SOX9: variants seen among roughly 807,000 people sequenced by gnomAD.
SOX9 encodes the protein transcription factor SOX-9.
A neutral mutation model predicts 44.8 loss-of-function variants in SOX9; 2 were observed. That is an observed-to-expected ratio of 0.04 (90% CI 0.02 to 0.14). SOX9 has a LOEUF of 0.14. SOX9 is among the 10% of genes least tolerant of loss of function. SOX9 has a pLI of 1.00. For synonymous variants in SOX9, 381 were observed against 331.8 expected, an observed-to-expected ratio of 1.15 and a Z score of -1.61; for missense variants, 583 against 728.6, an observed-to-expected ratio of 0.80 and a Z score of 2.30.
In SOX9 at chr17:72,121,446, T is replaced by G. The variant is rs1908086972; in HGVS notation, c.55T>G (p.Ser19Ala). 1 of 1,612,630 alleles carries G rather than the reference T, an allele frequency of 6.2e-7. No individual in the cohort carries two copies. Among genetic ancestry groups the G allele is most frequent in the Non-Finnish European group, 8.5e-7 (1 of 1,179,738 alleles). ...KMTDEQEKGLSGAPSPTMSED... is the reference protein window; with the variant it reads ...KMTDEQEKGLAGAPSPTMSED... ...GACCGACGAGCAGGAGAAGGGCCTG[T>G]CCGGCGCCCCCAGCCCCACCATGTC... Residue 19 changes from serine (S) to alanine (A), a missense_variant, in exon 1 of 3, where the codon TCC becomes GCC. Transcript: ENST00000245479. This position sits in a 1 kb window ranked among gnomAD's most constrained non-coding sequence, Gnocchi z 8.3.
chr17:72,121,591 A>C lies in SOX9; in HGVS notation c.200A>C (p.Asp67Ala), dbSNP rs769953292. The C allele has an allele frequency of 6.2e-7, 1 of 1,606,820 alleles. No individual in the cohort carries two copies. Among genetic ancestry groups the C allele is most frequent in the Non-Finnish European group, 8.5e-7 (1 of 1,177,004 alleles). Reference protein sequence around the residue: ...EPDLKKESEEDKFPVCIREAV... With the variant: ...EPDLKKESEEAKFPVCIREAV... ...GATCTGAAGAAGGAGAGCGAGGAGG[A>C]CAAGTTCCCCGTGTGCATCCGCGAG... The change falls in exon 1 of 3, where the codon GAC (aspartate) becomes GCC (alanine). Residue 67 changes from aspartate to alanine, a missense_variant. This residue lies in a region of SOX9 where 101 missense variants were observed against 98.6 expected (regional missense o/e 1.02). Transcript: ENST00000245479. The surrounding 1 kb of genome is among the most constrained non-coding windows in gnomAD (Gnocchi z 8.3).
In SOX9 at chr17:72,123,213, A is replaced by C. The variant is rs1908164003; in HGVS notation, c.685+241A>C. On this transcript the variant is annotated intron_variant, in intron 2 of 2. Transcript: ENST00000245479. The surrounding 1 kb of genome is among the most constrained non-coding windows in gnomAD (Gnocchi z 6.5). ...CGAAGAGATTAACTTTTTTATTGGGAGGTAAAATGCCCTTAACAGCCTTAC... is the reference window on the plus strand; with the variant it reads ...CGAAGAGATTAACTTTTTTATTGGGCGGTAAAATGCCCTTAACAGCCTTAC... Among the ~76,000 whole-genome samples, 1 of 152,282 alleles carries C rather than the reference A, an allele frequency of 6.6e-6. No individual in the cohort carries two copies. Among genetic ancestry groups the C allele is most frequent in the Admixed American group, 6.5e-5 (1 of 15,300 alleles).
chr17:72,126,158 T>C lies in SOX9; in HGVS notation c.*1771T>C. ...GTAGAATAAAATCTTAAAGCACTCA[T>C]AATATGGCATCCTTCAATTTCTGTA... On this transcript the variant is annotated 3_prime_UTR_variant, in exon 3 of 3. Transcript: ENST00000245479. The C allele has an allele frequency of 4.3e-6, 1 of 232,468 alleles. No individual in the cohort carries two copies. Among genetic ancestry groups the C allele is most frequent in the Non-Finnish European group, 8.5e-6 (1 of 117,482 alleles). 14.4% of individuals were successfully genotyped at this position (232,468 alleles called of 1,614,324 possible).
rs2143259245 is a variant in SOX9 at position 72,124,388 on chromosome 17, G to A, written c.*1G>A. ...CTACACACAGCTCACTCGACCTTGAGGAGGCCTCCCACGAAGGGCGAAGAT... is the reference window on the plus strand; with the variant it reads ...CTACACACAGCTCACTCGACCTTGAAGAGGCCTCCCACGAAGGGCGAAGAT... On this transcript the variant is annotated 3_prime_UTR_variant, in exon 3 of 3. Transcript: ENST00000245479. The surrounding 1 kb of genome is among the most constrained non-coding windows in gnomAD (Gnocchi z 4.6). 6.2e-7 allele frequency: 1 copy of A among 1,600,062 alleles called. No homozygotes were observed. Among genetic ancestry groups the A allele is most frequent in the Non-Finnish European group, 8.5e-7 (1 of 1,179,954 alleles).
Position 72,121,835 on chromosome 17 carries a change from G to A in SOX9, c.431+13G>A, listed in dbSNP as rs2143241280. ...GCAAGCTCTGGAGGTAGGACCCGGC[G>A]GGGGCGGCGCGGCAGGGTGGGCATC... On this transcript the variant is annotated intron_variant, in intron 1 of 2. Transcript: ENST00000245479. This position sits in a 1 kb window ranked among gnomAD's most constrained non-coding sequence, Gnocchi z 8.3. The A allele has an allele frequency of 6.5e-7, 1 of 1,548,382 alleles. No individual in the cohort carries two copies. The highest frequency in any genetic ancestry group is 8.7e-7 in the Non-Finnish European group (1 of 1,147,048).
In SOX9 at chr17:72,123,779, G is replaced by A. The variant is rs746628734; in HGVS notation, c.922G>A (p.Ala308Thr). ...GCCCAACGGCCACCCGGGGGTGCCG[G>A]CCACGCACGGCCAGGTCACCTACAC... The part of the protein sequence containing the change: ...LPPNGHPGVP[A>T]THGQVTYTGS... Residue 308 changes from alanine (A) to threonine (T), a missense_variant, in exon 3 of 3, where the codon GCC becomes ACC. Ala to Thr is a moderately conservative substitution (Grantham distance 58). This residue lies in a region of SOX9 where 349 missense variants were observed against 387.0 expected (regional missense o/e 0.90). Coordinates refer to ENST00000245479, the MANE Select transcript of SOX9 (RefSeq NM_000346.4). The surrounding 1 kb of genome is among the most constrained non-coding windows in gnomAD (Gnocchi z 6.5). 6.2e-7 allele frequency: 1 copy of A among 1,613,066 alleles called. No individual in the cohort carries two copies. Among genetic ancestry groups the A allele is most frequent in the South Asian group, 1.1e-5 (1 of 91,072 alleles).
rs1598176151 is a variant in SOX9, at chr17:72,123,035, C to T, written c.685+63C>T. 6.3e-7 allele frequency: 1 copy of T among 1,589,548 alleles called. No homozygotes were observed. Among genetic ancestry groups the T allele is most frequent in the East Asian group, 2.2e-5 (1 of 44,676 alleles). On this transcript the variant is annotated intron_variant, in intron 2 of 2. Coordinates refer to ENST00000245479, the MANE Select transcript of SOX9 (RefSeq NM_000346.4). The surrounding 1 kb of genome is among the most constrained non-coding windows in gnomAD (Gnocchi z 6.5). ...CGTCCCGCCTGGCACACCCCCTGCCCTCCGCCTGGGAGATTCTTCGTGGGG... is the reference window on the plus strand; with the variant it reads ...CGTCCCGCCTGGCACACCCCCTGCCTTCCGCCTGGGAGATTCTTCGTGGGG...
chr17:72,121,445 G>A lies in SOX9; in HGVS notation c.54G>A (p.Leu18=), dbSNP rs1351767351. ...TGACCGACGAGCAGGAGAAGGGCCTGTCCGGCGCCCCCAGCCCCACCATGT... is the reference window on the plus strand; with the variant it reads ...TGACCGACGAGCAGGAGAAGGGCCTATCCGGCGCCCCCAGCCCCACCATGT... ...MKMTDEQEKG[L]SGAPSPTMSE... is the part of the protein sequence containing the mutation. The change falls in exon 1 of 3, where the codon CTG becomes CTA. Residue 18 remains leucine (L), a synonymous_variant. Coordinates refer to ENST00000245479, the MANE Select transcript of SOX9 (RefSeq NM_000346.4). This position sits in a 1 kb window ranked among gnomAD's most constrained non-coding sequence, Gnocchi z 8.3. The A allele has an allele frequency of 6.8e-6, 11 of 1,612,636 alleles. No homozygotes were observed. The highest frequency in any genetic ancestry group is 2.7e-5 in the African/African-American group (2 of 74,900).
In SOX9 at chr17:72,121,763, G is replaced by C. The variant is rs745780363; in HGVS notation, c.372G>C (p.Ala124=). 4.7e-5 allele frequency: 75 copies of C among 1,600,684 alleles called. No homozygotes were observed. The South Asian group carries it at 7.7e-4, about 16-fold the overall frequency. ...CGCAGGCGGCGCGCAGGAAGCTCGC[G>C]GACCAGTACCCGCACTTGCACAACG... ...VWAQAARRKL[A]DQYPHLHNAE... The change falls in exon 1 of 3, where the codon GCG becomes GCC. Residue 124 remains alanine, a synonymous_variant. Transcript: ENST00000245479. This position sits in a 1 kb window ranked among gnomAD's most constrained non-coding sequence, Gnocchi z 8.3.
chr17:72,121,535 C>G lies in SOX9; in HGVS notation c.144C>G (p.Pro48=), dbSNP rs1219212536. Residue 48 remains proline, a synonymous_variant, in exon 1 of 3, where the codon CCC becomes CCG. Transcript: ENST00000245479. The surrounding 1 kb of genome is among the most constrained non-coding windows in gnomAD (Gnocchi z 8.3). ...GSGSDTENTR[P]QENTFPKGEP... ...GCTCGGACACCGAGAACACGCGGCC[C>G]CAGGAGAACACGTTCCCCAAGGGCG... is the stretch of plus-strand genomic sequence containing the variant. 3.1e-6 allele frequency: 5 copies of G among 1,608,962 alleles called. No individual in the cohort carries two copies. The highest frequency in any genetic ancestry group is 2.2e-5 in the East Asian group (1 of 44,636).
chr17:72,122,997 G>T, intron 2 of SOX9, 25 bp downstream of exon 2: 1 of 1,609,612 alleles, frequency 6.2e-7, no homozygotes, highest in Non-Finnish European at 8.5e-7. Context: ...GACCCCACCG[G>T]ACAAGCTATC....
Position 72,124,278 on chromosome 17 carries a change from G to T in SOX9, c.1421G>T (p.Arg474Leu), listed in dbSNP as rs746125506. 6.2e-7 allele frequency: 1 copy of T among 1,611,500 alleles called. No individual in the cohort carries two copies. The highest frequency in any genetic ancestry group is 1.1e-5 in the South Asian group (1 of 91,042). The change falls in exon 3 of 3, where the codon CGC (arginine) becomes CTC (leucine). Residue 474 changes from arginine to leucine, a missense_variant. By Grantham distance (102) the Arg-to-Leu change is moderately radical. Around this residue, in one of 7 missense-constraint regions of SOX9, gnomAD observed 349 missense variants for 387.0 expected, o/e 0.90. Transcript: ENST00000245479. The surrounding 1 kb of genome is among the most constrained non-coding windows in gnomAD (Gnocchi z 4.6). ...TTCACCTACATGAACCCCGCTCAGC[G>T]CCCCATGTACACCCCCATCGCCGAC... ...STFTYMNPAQ[R>L]PMYTPIADTS... is the part of the protein sequence containing the mutation.
chr17:72,124,778 G>T lies in SOX9; in HGVS notation c.*391G>T, dbSNP rs971724490. The T allele has an allele frequency of 2.7e-6, 1 of 372,410 alleles. No homozygotes were observed. Among genetic ancestry groups the T allele is most frequent in the East Asian group, 4.4e-5 (1 of 22,558 alleles). The allele number at this position is 372,410 out of a possible 1,614,324, so 23.1% of individuals were successfully genotyped here. ...TTTGGACTTTGTAATTATTTTTTTA[G>T]CAGTAATTAAAGAAAAAAGTCCTCT... On this transcript the variant is annotated 3_prime_UTR_variant, in exon 3 of 3. Transcript: ENST00000245479. The surrounding 1 kb of genome is among the most constrained non-coding windows in gnomAD (Gnocchi z 4.6).
Position 72,124,497 on chromosome 17 carries a change from A to G in SOX9, c.*110A>G, listed in dbSNP as rs958253881. The G allele has an allele frequency of 1.5e-5, 21 of 1,372,600 alleles. No individual in the cohort carries two copies. The highest frequency in any genetic ancestry group is 2.4e-5 in the South Asian group (2 of 84,122). The allele number at this position is 1,372,600 out of a possible 1,614,324, so 85.0% of individuals were successfully genotyped here. A position where few individuals can be genotyped will look rare whatever the true frequency, so the allele number is the denominator to read the frequency against. On this transcript the variant is annotated 3_prime_UTR_variant, in exon 3 of 3. Transcript: ENST00000245479. The surrounding 1 kb of genome is among the most constrained non-coding windows in gnomAD (Gnocchi z 4.6). Reference sequence around the variant, plus strand: ...GACATTTGTGTTTTTTTGTTTTTTTATTTTGTTTTGTTTTTTCTTCTTCTT... The same window carrying G: ...GACATTTGTGTTTTTTTGTTTTTTTGTTTTGTTTTGTTTTTTCTTCTTCTT...
In SOX9 at chr17:72,123,765, A is replaced by G. The variant is rs2143252227; in HGVS notation, c.908A>G (p.His303Arg). 6.2e-7 allele frequency: 1 copy of G among 1,613,298 alleles called. No homozygotes were observed. Among genetic ancestry groups the G allele is most frequent in the Non-Finnish European group, 8.5e-7 (1 of 1,179,910 alleles). ...GACCAGTACCTGCCGCCCAACGGCCACCCGGGGGTGCCGGCCACGCACGGC... is the reference window on the plus strand; with the variant it reads ...GACCAGTACCTGCCGCCCAACGGCCGCCCGGGGGTGCCGGCCACGCACGGC... Reference protein sequence around the residue: ...EFDQYLPPNGHPGVPATHGQV... With the variant: ...EFDQYLPPNGRPGVPATHGQV... Residue 303 changes from histidine (H) to arginine (R), a missense_variant, in exon 3 of 3, where the codon CAC (histidine) becomes CGC (arginine). This residue lies in a region of SOX9 where 349 missense variants were observed against 387.0 expected (regional missense o/e 0.90). Transcript: ENST00000245479. The surrounding 1 kb of genome is among the most constrained non-coding windows in gnomAD (Gnocchi z 6.5).
rs775182990 is a variant in SOX9, at chr17:72,123,612, T to C, written c.755T>C (p.Leu252Pro). 5 of 1,360,388 alleles carry C rather than the reference T, an allele frequency of 3.7e-6. No individual in the cohort carries two copies. The highest frequency in any genetic ancestry group is 8.7e-5 in the East Asian group (2 of 23,052). The allele number at this position is 1,360,388 out of a possible 1,614,324, so 84.3% of individuals were successfully genotyped here. Residue 252 changes from leucine to proline, a missense_variant, in exon 3 of 3, where the codon CTG becomes CCG. Leu to Pro is a moderately conservative substitution (Grantham distance 98, BLOSUM62 -3). This residue lies in a region of SOX9 where 349 missense variants were observed against 387.0 expected (regional missense o/e 0.90). Transcript: ENST00000245479. The surrounding 1 kb of genome is among the most constrained non-coding windows in gnomAD (Gnocchi z 6.5). ...KTDVQPGKAD[L>P]KREGRPLPEG... The stretch of plus-strand genomic sequence containing the variant: ...GACGTGCAGCCGGGCAAGGCTGACC[T>C]GAAGCGAGAGGGGCGCCCCTTGCCA...
At chr17:72,122,652 C>G (rs2143244359) in intron 1 of SOX9, 67 bp from the exon 2 acceptor site, 1 of 1,540,126 alleles carries the variant, frequency 6.5e-7, no homozygotes, top group South Asian at 1.2e-5. Context: ...GCCGACCTGA[C>G]AGTTTGGCGG....
At position 72,121,480 on chromosome 17, in the gene SOX9, C is replaced by A. The variant is rs1003847603; in HGVS notation, c.89C>A (p.Ser30Tyr). ...CCCAGCCCCACCATGTCCGAGGACT[C>A]CGCGGGCTCGCCCTGCCCGTCGGGC... Reference protein sequence around the residue: ...GAPSPTMSEDSAGSPCPSGSG... With the variant: ...GAPSPTMSEDYAGSPCPSGSG... Residue 30 changes from serine to tyrosine, a missense_variant, in exon 1 of 3, where the codon TCC (serine) becomes TAC (tyrosine). By Grantham distance (144) the Ser-to-Tyr change is moderately radical. Coordinates refer to ENST00000245479, the MANE Select transcript of SOX9 (RefSeq NM_000346.4). This position sits in a 1 kb window ranked among gnomAD's most constrained non-coding sequence, Gnocchi z 8.3. 6.2e-7 allele frequency: 1 copy of A among 1,612,246 alleles called. No homozygotes were observed. The highest frequency in any genetic ancestry group is 1.1e-5 in the South Asian group (1 of 90,854).
chr17:72,125,007 GAA>G lies in SOX9; in HGVS notation c.*629_*630del. ...ACAGATTTGCTTTCTCTTACAAAAA[GAA>G]AAAAAAAATCCTGTTGTATTAACAT... On this transcript the variant is annotated 3_prime_UTR_variant, in exon 3 of 3. Transcript: ENST00000245479. The G allele has an allele frequency of 4.6e-6, 1 of 216,450 alleles. No individual in the cohort carries two copies. The highest frequency in any genetic ancestry group is 9.2e-6 in the Non-Finnish European group (1 of 108,554). The allele number at this position is 216,450 out of a possible 1,614,324, so 13.4% of individuals were successfully genotyped here.
Sources: allele counts gnomAD v4.1 joint callset (sites outside exome capture counted in the v4.1 genomes callset), GRCh38; gene constraint gnomAD v4.1.1; regional missense constraint gnomAD v4.1.1; non-coding constraint Gnocchi (gnomAD v3.1); transcripts MANE v1.5; gene names NCBI Gene and HGNC (gene_info 2026-07-23, HGNC 2026-07-21).